The following RNASEL variants were observed in gnomAD, a reference collection of about 807,000 sequenced individuals.
RNASEL encodes ribonuclease L.
In RNASEL, 36 loss-of-function variants were observed where a neutral mutation model predicts 50.9. The ratio of observed to expected loss-of-function variants is 0.71; its 90% CI spans 0.54 to 0.93. The LOEUF is 0.93. Among genes scored for constraint, RNASEL ranks in the 40% least tolerant of loss-of-function variants. The pLI is 0.00. For synonymous variants in RNASEL, 335 were observed against 335.6 expected (o/e 1.00, Z 0.02); for missense variants, 860 against 894.5 (o/e 0.96, Z 0.49).
intron 5 of RNASEL, chr1:182,576,825 T>C (rs572310288): frequency 1.2e-5 from 2 of 164,920 alleles, no homozygotes; most frequent in Non-Finnish European, 2.6e-5. Context: ...AGAGCTGAGA[T>C]CGCACCACTG....
Position 182,581,282 on chromosome 1 carries a change from T to C in RNASEL, c.1848A>G (p.Arg616=), listed in dbSNP as rs35328657. The change falls in exon 5 of 7, where the codon AGA becomes AGG. Residue 616 remains arginine, a synonymous_variant. Transcript: ENST00000367559. ...KTRKSESEIL[R]LLQPGPSEHS... ...GTTCAGAAGGCCCAGGTTGCAGTAGTCTGAGGATCTCACTTTCAGATTTTC... is the reference window on the plus strand; with the variant it reads ...GTTCAGAAGGCCCAGGTTGCAGTAGCCTGAGGATCTCACTTTCAGATTTTC... 2.5e-5 allele frequency: 40 copies of C among 1,614,054 alleles called. No homozygotes were observed. The Middle Eastern group carries it at 8.2e-4, about 33-fold the overall frequency.
chr1:182,586,573 C>G lies in RNASEL; in HGVS notation c.234G>C (p.Leu78=). Residue 78 remains leucine (L), a synonymous_variant, in exon 2 of 7, where the codon CTG becomes CTC. Transcript: ENST00000367559. Reference sequence around the variant, plus strand: ...GAACAGGGTCAGCACCATGACGAAGCAGAAGTTCCACAATGTCCTCCCTGC... The same window carrying G: ...GAACAGGGTCAGCACCATGACGAAGGAGAAGTTCCACAATGTCCTCCCTGC... The part of the protein sequence containing the change: ...QMSREDIVEL[L]LRHGADPVLR... 1 of 1,604,332 alleles carries G rather than the reference C, an allele frequency of 6.2e-7. No homozygotes were observed. Among genetic ancestry groups the G allele is most frequent in the Non-Finnish European group, 8.5e-7 (1 of 1,173,208 alleles).
rs1661576772 is a variant in RNASEL, at chr1:182,585,571, T to C, written c.1236A>G (p.Arg412=). Residue 412 remains arginine, a synonymous_variant, in exon 2 of 7, where the codon CGA becomes CGG. Coordinates refer to ENST00000367559, the MANE Select transcript of RNASEL (RefSeq NM_021133.4). ...AGAATGTCACCAAGTGACTGTTCTC[T>C]CGGCTGCTTTGCAGACAAGAGACTT... ...QREVSCLQSS[R]ENSHLVTFYG... 6.2e-7 allele frequency: 1 copy of C among 1,614,064 alleles called. No homozygotes were observed. Among genetic ancestry groups the C allele is most frequent in the African/African-American group, 1.3e-5 (1 of 74,930 alleles).
In RNASEL at chr1:182,576,390, C is replaced by G; in HGVS notation, c.1906-1G>C. Reference sequence around the variant, plus strand: ...TTTTTTTCATAACACATTCATTAATCTAAAAAAACAAAAAATAACACAAAA... The same window carrying G: ...TTTTTTTCATAACACATTCATTAATGTAAAAAAACAAAAAATAACACAAAA... On this transcript the variant is annotated splice_acceptor_variant, in intron 5 of 6. Coordinates refer to ENST00000367559, the MANE Select transcript of RNASEL (RefSeq NM_021133.4). LOFTEE classifies it high-confidence loss of function. The G allele has an allele frequency of 4.5e-6, 7 of 1,563,536 alleles. No individual in the cohort carries two copies. The highest frequency in any genetic ancestry group is 6.1e-6 in the Non-Finnish European group (7 of 1,139,844).
In RNASEL at chr1:182,579,152, C is replaced by T. The variant is rs1479900271; in HGVS notation, c.1905+2073G>A. ...GTGCGTTATTCAGGTAATGGTTACA[C>T]TAAAAGCCCAACTTTACCACTACAC... On this transcript the variant is annotated intron_variant, in intron 5 of 6. Coordinates refer to ENST00000367559, the MANE Select transcript of RNASEL (RefSeq NM_021133.4). 3.9e-6 allele frequency: 3 copies of T among 769,190 alleles called. No individual in the cohort carries two copies. The East Asian group carries it at 3.9e-4, about 99-fold the overall frequency. The allele number at this position is 769,190 out of a possible 1,614,324, so 47.6% of individuals were successfully genotyped here. A position where few individuals can be genotyped will look rare whatever the true frequency, so the allele number is the denominator to read the frequency against.
Position 182,575,066 on chromosome 1 carries a change from G to A in RNASEL, c.*326C>T. 1 of 390,174 alleles carries A rather than the reference G, an allele frequency of 2.6e-6. No individual in the cohort carries two copies. The highest frequency in any genetic ancestry group is 4.7e-6 in the Non-Finnish European group (1 of 213,626). 24.2% of individuals were successfully genotyped at this position (390,174 alleles called of 1,614,324 possible). The stretch of plus-strand genomic sequence containing the variant: ...AAATGGGGATGATAATCCCTGTTTT[G>A]CAAGATCATTGGGAAAATTAAGTGA... On this transcript the variant is annotated 3_prime_UTR_variant, in exon 7 of 7. Transcript: ENST00000367559.
At chr1:182,583,436 C>T (rs966277438) in intron 3 of RNASEL, among the ~76,000 whole-genome samples, 7 of 152,182 alleles carry the variant, frequency 4.6e-5, no homozygotes, top group African/African-American at 1.7e-4. Context: ...ATAGAATGCC[C>T]TCCAATTGCC....
chr1:182,576,176 C>T lies in RNASEL; in HGVS notation c.2039+80G>A, dbSNP rs543962768. On this transcript the variant is annotated intron_variant, in intron 6 of 6. Transcript: ENST00000367559. The stretch of plus-strand genomic sequence containing the variant: ...TCAAAATAAATTTTCTTTTTTCCAT[C>T]GTAGATATAAACTTAGAATTGGATT... The T allele has an allele frequency of 6.3e-5, 92 of 1,457,094 alleles. No homozygotes were observed. In the South Asian group the frequency reaches 7.2e-4, roughly 11 times the overall value. 90.3% of individuals were successfully genotyped at this position (1,457,094 alleles called of 1,614,324 possible).
In RNASEL at chr1:182,574,724, G is replaced by GC. The variant is rs1218917695; in HGVS notation, c.*667dup. ...CAAATGCTCTCTTCAGTGCAAAATTGCCCCCCAGTTGAGAACTACTGCCTT... is the reference window on the plus strand; with the variant it reads ...CAAATGCTCTCTTCAGTGCAAAATTGCCCCCCCAGTTGAGAACTACTGCCTT... On this transcript the variant is annotated 3_prime_UTR_variant, in exon 7 of 7. Coordinates refer to ENST00000367559, the MANE Select transcript of RNASEL (RefSeq NM_021133.4). 1.3e-5 allele frequency: 3 copies of GC among 232,134 alleles called. No homozygotes were observed. Among genetic ancestry groups the GC allele is most frequent in the Non-Finnish European group, 2.5e-5 (3 of 117,758 alleles). 14.4% of individuals were successfully genotyped at this position (232,134 alleles called of 1,614,324 possible).
intron 5 of RNASEL, chr1:182,579,712 G>A: frequency 8.5e-7 from 1 of 1,173,472 alleles, no homozygotes; most frequent in Non-Finnish European, 1.1e-6. Context: ...TTCAATATAA[G>A]CCCATGGAAT....
rs979428759 is a variant in RNASEL at position 182,576,695 on chromosome 1, C to T, written c.1906-306G>A. 32 of 221,548 alleles carry T rather than the reference C, an allele frequency of 1.4e-4. No individual in the cohort carries two copies. In the South Asian group the frequency reaches 1.7e-3, roughly 11 times the overall value. 13.7% of individuals were successfully genotyped at this position (221,548 alleles called of 1,614,324 possible). ...CAGCCTGGCCAACACAGTGAAACCT[C>T]GTTTCTACTAAAAGTTTCTGCTAAA... On this transcript the variant is annotated intron_variant, in intron 5 of 6. Transcript: ENST00000367559.
At chr1:182,583,929 A>C (rs746747912) in intron 3 of RNASEL, 152 bp downstream of exon 3, 27 of 674,028 alleles carry the variant, frequency 4.0e-5, no homozygotes, top group Non-Finnish European at 7.3e-5. Flanking sequence ...ATGGGACTTT[A>C]TGTTGTGACC....
At chr1:182,575,613 C>T (rs1238462216) in intron 6 of RNASEL, 35 bp from the exon 7 acceptor site, 5 of 1,612,314 alleles carry the variant, frequency 3.1e-6, no homozygotes, top group African/African-American at 1.3e-5. Context: ...GCATGCTTGC[C>T]CCAAATTATT....
intron 5 of RNASEL, chr1:182,579,565 T>A (rs776522344): frequency 2.1e-5 from 24 of 1,143,900 alleles, no homozygotes; most frequent in Non-Finnish European, 2.5e-5. Context: ...TCATACAAGC[T>A]GGAAAACTTG....
intron 5 of RNASEL, 108 bp from the exon 6 acceptor site, chr1:182,576,497 CT>C: frequency 8.4e-6 from 7 of 831,744 alleles, no homozygotes; most frequent in Non-Finnish European, 1.1e-5. Flanking sequence ...TTCATATATT[CT>C]ATAATTACCA....
chr1:182,583,825 A>C (rs1029687694), intron 3 of RNASEL, among the ~76,000 whole-genome samples: 1 of 152,212 alleles, frequency 6.6e-6, no homozygotes. Flanking sequence ...CACAGACTGA[A>C]GGCTGCACTG....
intron 2 of RNASEL, 27 bp from the exon 3 acceptor site, chr1:182,584,193 T>C (rs1484280380): frequency 7.1e-7 from 1 of 1,417,044 alleles, no homozygotes; most frequent in African/African-American, 1.4e-5. Flanking sequence ...AGAGGCACAT[T>C]GAAAATACTC....
chr1:182,579,884 A>C, intron 5 of RNASEL: 1 of 502,046 alleles, frequency 2.0e-6, no homozygotes. Flanking sequence ...TCACAGCTTC[A>C]TGTAGTGGTG....
At position 182,586,669 on chromosome 1, in the gene RNASEL, T is replaced by C. The variant is rs2102372514; in HGVS notation, c.138A>G (p.Glu46=). 6.2e-7 allele frequency: 1 copy of C among 1,614,076 alleles called. No individual in the cohort carries two copies. The highest frequency in any genetic ancestry group is 8.5e-7 in the Non-Finnish European group (1 of 1,179,872). Residue 46 remains glutamate, a synonymous_variant, in exon 2 of 7, where the codon GAA becomes GAG. Transcript: ENST00000367559. ...CCTGGAAATTAACATTGGCTCCACC[T>C]TCCAGCAATTGCTGGACCAGGTCAA... The part of the protein sequence containing the change: ...EDVDLVQQLL[E]GGANVNFQEE...
Sources: gnomAD v4.1 joint callset for allele counts (sites outside exome capture counted in the v4.1 genomes callset) on GRCh38, gnomAD v4.1.1 for gene constraint, MANE v1.5 for transcripts, NCBI Gene and HGNC (gene_info 2026-07-23, HGNC 2026-07-21) for gene names.